Variants in NLK observed in about 807,000 individuals in gnomAD.
The protein encoded by NLK is nemo like kinase, also known as serine/threonine-protein kinase NLK.
NLK carries 11 observed loss-of-function variants against 59.0 expected under a neutral mutation model. The observed-to-expected ratio is 0.19, with a 90% CI of 0.12 to 0.31. NLK has a LOEUF of 0.31. Ranked by LOEUF, NLK falls within the 10% of genes least tolerant of loss-of-function variation. NLK has a pLI of 1.00. For missense variants in NLK, 410 were observed against 661.1 expected (o/e 0.62, Z 4.16); for synonymous variants, 235 against 235.9 (o/e 1.00, Z 0.03).
At chr17:28,048,164 A>G (rs1489165944) in intron 1 of NLK, 1 of 385,506 alleles carries the variant, frequency 2.6e-6, no homozygotes, top group Non-Finnish European at 4.6e-6. Flanking sequence ...CATGATCATA[A>G]AGTAGATAAA....
chr17:28,133,575 G>GA (rs1906610447), intron 3 of NLK, among the ~76,000 whole-genome samples: 1 of 152,094 alleles, frequency 6.6e-6, no homozygotes, highest in Non-Finnish European at 1.5e-5. Flanking sequence ...GACTGTGCAT[G>GA]AAAAAAATTG....
At chr17:28,139,855 A>G (rs1369563295) in intron 3 of NLK, among the ~76,000 whole-genome samples, 1 of 152,206 alleles carries the variant, frequency 6.6e-6, no homozygotes, top group Non-Finnish European at 1.5e-5. Flanking sequence ...CTGAAGGAAG[A>G]TACTACAATC....
intron 3 of NLK, among the ~76,000 whole-genome samples, chr17:28,146,969 A>G (rs886954219): frequency 6.6e-6 from 1 of 152,224 alleles, no homozygotes; most frequent in Non-Finnish European, 1.5e-5. Flanking sequence ...TGCCTAACAC[A>G]TAGAAAATTG....
At chr17:28,067,909 G>A (rs1909886992) in intron 1 of NLK, among the ~76,000 whole-genome samples, 1 of 151,800 alleles carries the variant, frequency 6.6e-6, no homozygotes, top group African/African-American at 2.4e-5. Context: ...GGGAGGCCAT[G>A]GCAGGTGAAT....
At chr17:28,122,775 C>T (rs778579004) in intron 2 of NLK, 43 bp downstream of exon 2, 3 of 1,609,112 alleles carry the variant, frequency 1.9e-6, no homozygotes, top group Admixed American at 1.7e-5. Flanking sequence ...TCCTAAGCCT[C>T]CTGCATTGAA....
rs115542587 is a variant in NLK at position 28,089,593 on chromosome 17, A to G, written c.459-33010A>G. 6.5e-3 allele frequency among the ~76,000 whole-genome samples: 994 copies of G among 152,256 alleles called. 17 individuals are homozygous for G. The highest frequency in any genetic ancestry group is 0.022 in the African/African-American group (929 of 41,556). ...GACATATGCCTTCATTTCACCTGGA[A>G]TGAAATGGCTGGATAATAAGCTAGG... On this transcript the variant is annotated intron_variant, in intron 1 of 10. Coordinates refer to ENST00000407008, the MANE Select transcript of NLK (RefSeq NM_016231.5).
At chr17:28,114,653 C>T (rs1291879372) in intron 1 of NLK, among the ~76,000 whole-genome samples, 4 of 152,122 alleles carry the variant, frequency 2.6e-5, no homozygotes, top group Admixed American at 6.5e-5. Context: ...TTCTTCTATA[C>T]GTTATCTTCT....
Position 28,122,625 on chromosome 17 carries a change from G to A in NLK, c.481G>A (p.Gly161Arg). ...TAGGTCAGTAACAGATCCAAGAGAT[G>A]GAAAGAGAGTAGCGCTCAAAAAGAT... ...VVWSVTDPRD[G>R]KRVALKKMPN... The change falls in exon 2 of 11, where the codon GGA becomes AGA. Residue 161 changes from glycine (G) to arginine (R), a missense_variant. By Grantham distance (125) the Gly-to-Arg change is moderately radical (BLOSUM62 -2). Coordinates refer to ENST00000407008, the MANE Select transcript of NLK (RefSeq NM_016231.5). The A allele has an allele frequency of 6.2e-7, 1 of 1,613,652 alleles. No homozygotes were observed. Among genetic ancestry groups the A allele is most frequent in the Non-Finnish European group, 8.5e-7 (1 of 1,179,686 alleles).
intron 3 of NLK, among the ~76,000 whole-genome samples, chr17:28,138,028 C>T (rs1906831537): frequency 6.6e-6 from 1 of 152,072 alleles, no homozygotes; most frequent in East Asian, 1.9e-4. Flanking sequence ...AATCTGTATG[C>T]AAACAGTTTG....
chr17:28,188,758 T>G (rs1051902794), intron 8 of NLK, among the ~76,000 whole-genome samples: 6 of 152,196 alleles, frequency 3.9e-5, no homozygotes, highest in African/African-American at 1.4e-4. Flanking sequence ...GTGAGCCACT[T>G]TTTAAATATC....
intron 1 of NLK, among the ~76,000 whole-genome samples, chr17:28,069,179 G>A (rs1909929303): frequency 1.3e-5 from 2 of 152,116 alleles, no homozygotes; most frequent in Admixed American, 1.3e-4. Flanking sequence ...CAATATGTAT[G>A]TACTCTTATG....
the NLK span, among the ~76,000 whole-genome samples, chr17:28,204,698 T>C: frequency 6.6e-6 from 1 of 152,110 alleles, no homozygotes; most frequent in Non-Finnish European, 1.5e-5. Context: ...AACATACAAA[T>C]AAATCAATTA....
intron 1 of NLK, among the ~76,000 whole-genome samples, chr17:28,068,580 T>C (rs1440228684): frequency 6.6e-6 from 1 of 152,232 alleles, no homozygotes; most frequent in African/African-American, 2.4e-5. Flanking sequence ...GATCACTATT[T>C]ATAAATATCC....
At chr17:28,174,564 C>T (rs921921776) in intron 7 of NLK, among the ~76,000 whole-genome samples, 3 of 152,270 alleles carry the variant, frequency 2.0e-5, no homozygotes. Context: ...TTATCCACTG[C>T]TTGAAGTGGT....
chr17:28,063,867 C>T (rs557190442), intron 1 of NLK, among the ~76,000 whole-genome samples: 2 of 152,266 alleles, frequency 1.3e-5, no homozygotes, highest in South Asian at 4.1e-4. Context: ...AAACTGCAAG[C>T]CTTGACAAAA....
intron 1 of NLK, among the ~76,000 whole-genome samples, chr17:28,056,139 A>G (rs1314759299): frequency 6.6e-6 from 1 of 152,192 alleles, no homozygotes; most frequent in African/African-American, 2.4e-5. Flanking sequence ...TGTTTGTAGT[A>G]TTATTTAGAG....
chr17:28,060,525 G>A (rs774627019), intron 1 of NLK, among the ~76,000 whole-genome samples: 12 of 152,014 alleles, frequency 7.9e-5, no homozygotes, highest in Non-Finnish European at 1.6e-4. Context: ...TCCTGCCTCC[G>A]TCTTCCAAAG....
intron 8 of NLK, among the ~76,000 whole-genome samples, chr17:28,187,059 A>G (rs1260777903): frequency 6.6e-6 from 1 of 152,238 alleles, no homozygotes; most frequent in Non-Finnish European, 1.5e-5. Context: ...AACTCCTTTT[A>G]TATGGTTAAC....
chr17:28,069,255 G>GTT (rs1464447055), intron 1 of NLK, among the ~76,000 whole-genome samples: 3 of 152,082 alleles, frequency 2.0e-5, no homozygotes, highest in Non-Finnish European at 2.9e-5. Flanking sequence ...ACATATCAGT[G>GTT]TTTTTTTCTC....
Sources: gnomAD v4.1 joint callset for allele counts (sites outside exome capture counted in the v4.1 genomes callset) on GRCh38, gnomAD v4.1.1 for gene constraint, MANE v1.5 for transcripts, NCBI Gene and HGNC (gene_info 2026-07-23, HGNC 2026-07-21) for gene names.